Variants in PTPRG observed in about 807,000 individuals in gnomAD.
The protein encoded by PTPRG is protein tyrosine phosphatase receptor type G.
In PTPRG, 102 loss-of-function variants were observed where a neutral mutation model predicts 165.3. That is an observed-to-expected ratio of 0.62 (90% CI 0.53 to 0.73). The LOEUF is 0.73. Among genes scored for constraint, PTPRG ranks in the 30% least tolerant of loss-of-function variants. PTPRG has a pLI of 0.00. For synonymous variants in PTPRG, 675 were observed against 669.5 expected (o/e 1.01, Z -0.13); for missense variants, 1,866 against 1,861.4 (o/e 1.00, Z -0.05).
At chr3:62,143,506 G>T (rs544369356) in intron 6 of PTPRG, among the ~76,000 whole-genome samples, 8 of 151,114 alleles carry the variant, frequency 5.3e-5, no homozygotes, top group Non-Finnish European at 1.0e-4. Context: ...AGGGTAAAAT[G>T]AACAATATTT....
chr3:61,916,026 T>C (rs1224307304), intron 2 of PTPRG, among the ~76,000 whole-genome samples: 1 of 152,236 alleles, frequency 6.6e-6, no homozygotes, highest in Non-Finnish European at 1.5e-5. Flanking sequence ...TTTTAATTCT[T>C]ATGCATAAAA....
At chr3:62,076,489 G>T (rs1440231182) in intron 4 of PTPRG, among the ~76,000 whole-genome samples, 1 of 150,544 alleles carries the variant, frequency 6.6e-6, no homozygotes, top group Non-Finnish European at 1.5e-5. Flanking sequence ...CCCAGGTCTG[G>T]TTTTTTTTGT....
Position 62,224,113 on chromosome 3 carries a change from G to C in PTPRG, c.2288+5130G>C, listed in dbSNP as rs1475610966. Among the ~76,000 whole-genome samples the C allele has an allele frequency of 1.3e-5, 2 of 152,252 alleles. No homozygotes were observed. The highest frequency in any genetic ancestry group is 3.4e-3 in the Middle Eastern group (1 of 294). ...GGTGATGCTCCTAATAGGCCTTAAA[G>C]TCAATTCCAGAGGAGGACATCCCTA... On this transcript the variant is annotated intron_variant, in intron 13 of 29. Transcript: ENST00000474889. The surrounding 1 kb of genome is among the most constrained non-coding windows in gnomAD (Gnocchi z 4.9).
intron 2 of PTPRG, among the ~76,000 whole-genome samples, chr3:61,779,277 C>T (rs913441986): frequency 9.9e-5 from 15 of 152,080 alleles, no homozygotes; most frequent in Admixed American, 7.2e-4. Context: ...GATGAATCCT[C>T]GGGGAGGAAA....
intron 2 of PTPRG, among the ~76,000 whole-genome samples, chr3:61,902,113 G>C (rs1409886502): frequency 6.6e-6 from 1 of 152,170 alleles, no homozygotes; most frequent in Non-Finnish European, 1.5e-5. Flanking sequence ...AGTATGAATT[G>C]TCCTTCTCAC....
chr3:62,112,170 G>T (rs1482620081), intron 5 of PTPRG, among the ~76,000 whole-genome samples: 1 of 151,610 alleles, frequency 6.6e-6, no homozygotes, highest in Non-Finnish European at 1.5e-5. Flanking sequence ...GTGTGATCTT[G>T]GCTCACTGAC....
intron 5 of PTPRG, among the ~76,000 whole-genome samples, chr3:62,112,423 C>G (rs1702705978): frequency 6.6e-6 from 1 of 152,200 alleles, no homozygotes; most frequent in African/African-American, 2.4e-5. Context: ...TACTTTCTAG[C>G]TATGCCTTTA....
intron 1 of PTPRG, among the ~76,000 whole-genome samples, chr3:61,693,446 T>C (rs2030355796): frequency 1.3e-5 from 2 of 152,228 alleles, no homozygotes; most frequent in South Asian, 4.1e-4. Context: ...ATACATGTTC[T>C]TATCAATAGT....
intron 4 of PTPRG, among the ~76,000 whole-genome samples, chr3:62,061,116 T>G (rs1323262124): frequency 6.6e-6 from 1 of 152,210 alleles, no homozygotes; most frequent in Non-Finnish European, 1.5e-5. Context: ...GTAGCCTGTT[T>G]TAGCATCCCT....
intron 1 of PTPRG, among the ~76,000 whole-genome samples, chr3:61,646,708 A>G (rs140532401): frequency 6.6e-6 from 1 of 152,094 alleles, no homozygotes; most frequent in Non-Finnish European, 1.5e-5. Context: ...CATTTTTTTC[A>G]TATGTGTAGA....
At chr3:61,597,224 T>C (rs1012979868) in intron 1 of PTPRG, among the ~76,000 whole-genome samples, 6 of 152,154 alleles carry the variant, frequency 3.9e-5, no homozygotes, top group Middle Eastern at 6.3e-3. Flanking sequence ...CACTGCTGAA[T>C]TGGGGAGCAG....
At chr3:61,564,866 C>T (rs1699868167) in intron 1 of PTPRG, among the ~76,000 whole-genome samples, 1 of 152,204 alleles carries the variant, frequency 6.6e-6, no homozygotes, top group African/African-American at 2.4e-5. Flanking sequence ...GCGGCGGCCT[C>T]GGCCTGGCGA....
intron 2 of PTPRG, among the ~76,000 whole-genome samples, chr3:61,765,035 C>G (rs1323016890): frequency 6.6e-6 from 1 of 152,216 alleles, no homozygotes; most frequent in Non-Finnish European, 1.5e-5. Context: ...ACTGAAGGCT[C>G]ACCAGAATCC....
intron 1 of PTPRG, among the ~76,000 whole-genome samples, chr3:61,692,828 A>T (rs576443706): frequency 6.6e-6 from 1 of 152,322 alleles, no homozygotes; most frequent in South Asian, 2.1e-4. Flanking sequence ...GTGTACGTGC[A>T]GGTCACAGGG....
intron 2 of PTPRG, among the ~76,000 whole-genome samples, chr3:61,872,209 A>G (rs1045472399): frequency 2.6e-5 from 4 of 152,196 alleles, no homozygotes; most frequent in African/African-American, 7.2e-5. Context: ...TTGAAAGACA[A>G]TAAGAATGTT....
chr3:62,168,294 G>T, intron 8 of PTPRG, 131 bp downstream of exon 8: 1 of 865,546 alleles, frequency 1.2e-6, no homozygotes. Context: ...GCTAAAGGGA[G>T]CCTGTCTGGC....
At chr3:62,066,268 C>T (rs761600609) in intron 4 of PTPRG, among the ~76,000 whole-genome samples, 1 of 152,306 alleles carries the variant, frequency 6.6e-6, no homozygotes, top group Non-Finnish European at 1.5e-5. Context: ...GAGAAAGTAA[C>T]AAACTATATT....
At chr3:62,022,118 G>A (rs1048279356) in intron 4 of PTPRG, among the ~76,000 whole-genome samples, 1 of 152,132 alleles carries the variant, frequency 6.6e-6, no homozygotes, top group African/African-American at 2.4e-5. Context: ...CAAGGCTGCT[G>A]TACGTGACTA....
At chr3:61,903,832 T>C (rs974875728) in intron 2 of PTPRG, among the ~76,000 whole-genome samples, 1 of 152,214 alleles carries the variant, frequency 6.6e-6, no homozygotes, top group African/African-American at 2.4e-5. Context: ...TCAGGTCATA[T>C]GGTGGTCTGT....
Sources: gnomAD v4.1 joint callset for allele counts (sites outside exome capture counted in the v4.1 genomes callset) on GRCh38, gnomAD v4.1.1 for gene constraint, Gnocchi (gnomAD v3.1) non-coding constraint, MANE v1.5 for transcripts, NCBI Gene and HGNC (gene_info 2026-07-23, HGNC 2026-07-21) for gene names.